IMMP2L: variants seen among roughly 807,000 people sequenced by gnomAD.
The protein encoded by IMMP2L is mitochondrial inner membrane protease subunit 2.
IMMP2L carries 18 observed loss-of-function variants against 19.3 expected under a neutral mutation model. That is an observed-to-expected ratio of 0.93 (90% confidence interval 0.64 to 1.38). IMMP2L has a LOEUF of 1.38. Ranked by LOEUF, IMMP2L falls within the 40% of genes most tolerant of loss-of-function variation. IMMP2L has a pLI of 0.00. For synonymous variants in IMMP2L, 76 were observed against 73.0 expected, an observed-to-expected ratio of 1.04 and a Z score of -0.21; for missense variants, 233 against 218.2, an observed-to-expected ratio of 1.07 and a Z score of -0.43.
intron 5 of IMMP2L, among the ~76,000 whole-genome samples, chr7:110,795,501 T>C (rs142714054): frequency 1.7e-3 from 252 of 152,240 alleles, no homozygotes; most frequent in African/African-American, 5.8e-3. Flanking sequence ...GAGGGCAAGA[T>C]ACTGTGCTGA....
At chr7:111,075,234 C>A (rs1795300274) in intron 3 of IMMP2L, among the ~76,000 whole-genome samples, 1 of 146,098 alleles carries the variant, frequency 6.8e-6, no homozygotes. Flanking sequence ...TCAAGTGATT[C>A]TCCTGTCTCA....
intron 5 of IMMP2L, among the ~76,000 whole-genome samples, chr7:110,714,189 T>C (rs1293803866): frequency 2.0e-5 from 3 of 152,246 alleles, no homozygotes; most frequent in South Asian, 2.1e-4. Flanking sequence ...GATGATCACA[T>C]GGTTCTTTTT....
intron 3 of IMMP2L, among the ~76,000 whole-genome samples, chr7:110,981,001 A>G (rs1169647808): frequency 6.6e-6 from 1 of 152,200 alleles, no homozygotes; most frequent in Non-Finnish European, 1.5e-5. Flanking sequence ...TTTTTAAGCA[A>G]TAAAATCTTC....
chr7:111,380,303 T>C (rs1831074450), intron 3 of IMMP2L, among the ~76,000 whole-genome samples: 1 of 151,932 alleles, frequency 6.6e-6, no homozygotes, highest in African/African-American at 2.4e-5. Context: ...TGAAATAGAT[T>C]ATATATTCAT....
chr7:111,171,068 C>A (rs555930475), intron 3 of IMMP2L, among the ~76,000 whole-genome samples: 2 of 151,840 alleles, frequency 1.3e-5, no homozygotes, highest in African/African-American at 4.8e-5. Flanking sequence ...CATAGGTTTA[C>A]TTTTACCTCT....
chr7:111,019,165 G>A (rs970329676), intron 3 of IMMP2L, among the ~76,000 whole-genome samples: 1 of 152,100 alleles, frequency 6.6e-6, no homozygotes, highest in Non-Finnish European at 1.5e-5. Flanking sequence ...AGGATGGAGG[G>A]TAAATAAATC....
intron 5 of IMMP2L, among the ~76,000 whole-genome samples, chr7:110,819,873 G>GTA (rs1047296938): frequency 5.3e-5 from 8 of 151,940 alleles, no homozygotes; most frequent in African/African-American, 1.9e-4. Flanking sequence ...ATACAAACGT[G>GTA]TTTTATAAAC....
At chr7:111,107,241 C>T (rs1048629329) in intron 3 of IMMP2L, among the ~76,000 whole-genome samples, 3 of 151,844 alleles carry the variant, frequency 2.0e-5, no homozygotes, top group African/African-American at 7.2e-5. Flanking sequence ...TCTTTTTAGA[C>T]AGACTTTGAA....
At chr7:111,234,453 C>T (rs973397878) in intron 3 of IMMP2L, among the ~76,000 whole-genome samples, 1 of 152,072 alleles carries the variant, frequency 6.6e-6, no homozygotes, top group Admixed American at 6.6e-5. Flanking sequence ...TCAGATTTTG[C>T]TTCAAGTATT....
chr7:111,547,973 C>T (rs561448025), intron 1 of IMMP2L, among the ~76,000 whole-genome samples: 1 of 152,210 alleles, frequency 6.6e-6, no homozygotes, highest in East Asian at 1.9e-4. Context: ...CCTCCTGCCT[C>T]AGCCTCACAA....
intron 3 of IMMP2L, among the ~76,000 whole-genome samples, chr7:111,323,803 A>G (rs1172784871): frequency 6.6e-6 from 1 of 152,168 alleles, no homozygotes; most frequent in African/African-American, 2.4e-5. Context: ...ATGGAATACT[A>G]TGCAGCCATA....
chr7:110,976,315 T>A (rs1166693384), intron 3 of IMMP2L, among the ~76,000 whole-genome samples: 1 of 152,008 alleles, frequency 6.6e-6, no homozygotes, highest in East Asian at 1.9e-4. Flanking sequence ...TATTGCTATT[T>A]AGTATTTCAT....
chr7:111,173,940 T>C (rs921959846), intron 3 of IMMP2L, among the ~76,000 whole-genome samples: 2 of 151,736 alleles, frequency 1.3e-5, no homozygotes, highest in African/African-American at 4.8e-5. Flanking sequence ...AAGTTAAATA[T>C]ATTAACAATG....
chr7:110,733,706 T>C (rs1011535187), intron 5 of IMMP2L, among the ~76,000 whole-genome samples: 7 of 152,130 alleles, frequency 4.6e-5, no homozygotes, highest in African/African-American at 1.7e-4. Context: ...GCCTTTAGTA[T>C]GTGATTAAAT....
intron 5 of IMMP2L, among the ~76,000 whole-genome samples, chr7:110,828,709 A>G (rs1217691320): frequency 6.6e-6 from 1 of 152,182 alleles, no homozygotes; most frequent in African/African-American, 2.4e-5. Flanking sequence ...AATTATGAGT[A>G]AAACACTAAC....
intron 3 of IMMP2L, among the ~76,000 whole-genome samples, chr7:111,418,231 A>G (rs569435356): frequency 6.6e-6 from 1 of 151,812 alleles, no homozygotes; most frequent in East Asian, 1.9e-4. Flanking sequence ...ATAAATTTGC[A>G]TCTGTAATTT....
At chr7:110,703,539 C>G (rs1326052691) in intron 5 of IMMP2L, among the ~76,000 whole-genome samples, 2 of 152,032 alleles carry the variant, frequency 1.3e-5, no homozygotes, top group Non-Finnish European at 2.9e-5. Flanking sequence ...TTTTTCGAAA[C>G]CTCAGTTTGT....
intron 5 of IMMP2L, among the ~76,000 whole-genome samples, chr7:110,694,305 G>C (rs1000903794): frequency 6.6e-6 from 1 of 152,104 alleles, no homozygotes; most frequent in African/African-American, 2.4e-5. Flanking sequence ...GACAGGGAGA[G>C]AGCACAATCT....
At chr7:111,212,836 T>C (rs1322881789) in intron 3 of IMMP2L, among the ~76,000 whole-genome samples, 2 of 152,232 alleles carry the variant, frequency 1.3e-5, no homozygotes, top group Non-Finnish European at 2.9e-5. Context: ...CTGCTATTTA[T>C]GTCTGCCCAC....
Sources: allele counts gnomAD v4.1 joint callset (sites outside exome capture counted in the v4.1 genomes callset), GRCh38; gene constraint gnomAD v4.1.1; transcripts MANE v1.5; gene names NCBI Gene and HGNC (gene_info 2026-07-23, HGNC 2026-07-21).